The following BCAS4 variants were observed in gnomAD, a reference collection of about 807,000 sequenced individuals.
The protein encoded by BCAS4 is breast carcinoma-amplified sequence 4.
BCAS4 carries 9 observed loss-of-function variants against 15.7 expected under a neutral mutation model. That is an observed-to-expected ratio of 0.57 (90% confidence interval 0.34 to 1.00). The LOEUF is 1.00. Among genes scored for constraint, BCAS4 ranks in the 50% least tolerant of loss-of-function variants. The pLI, the probability that BCAS4 is intolerant of heterozygous loss-of-function variation, is 0.02. For synonymous variants in BCAS4, 101 were observed against 99.5 expected, an observed-to-expected ratio of 1.02 and a Z score of -0.09; for missense variants, 225 against 239.1, an observed-to-expected ratio of 0.94 and a Z score of 0.39.
intron 2 of BCAS4, among the ~76,000 whole-genome samples, chr20:50,829,166 G>A (rs534284074): frequency 1.3e-5 from 2 of 152,316 alleles, no homozygotes; most frequent in African/African-American, 2.4e-5. Context: ...CTGAAAGTGC[G>A]GATTCTCAAA....
intron 3 of BCAS4, among the ~76,000 whole-genome samples, chr20:50,835,394 G>A (rs931178168): frequency 2.0e-5 from 3 of 151,852 alleles, no homozygotes; most frequent in Non-Finnish European, 4.4e-5. Context: ...ATAGGCGCCT[G>A]CCACCACACC....
intron 4 of BCAS4, among the ~76,000 whole-genome samples, chr20:50,844,687 T>A (rs531494336): frequency 1.3e-5 from 2 of 152,256 alleles, no homozygotes; most frequent in East Asian, 3.9e-4. Flanking sequence ...GGGTTTGGAA[T>A]CCAGGCCTGT....
chr20:50,839,689 A>G (rs1177619971), intron 3 of BCAS4, among the ~76,000 whole-genome samples: 1 of 152,190 alleles, frequency 6.6e-6, no homozygotes, highest in African/African-American at 2.4e-5. Flanking sequence ...TATTTTTAAT[A>G]GAGATGGGGT....
intron 2 of BCAS4, among the ~76,000 whole-genome samples, chr20:50,818,794 C>A (rs1340295466): frequency 1.3e-5 from 2 of 152,218 alleles, no homozygotes; most frequent in Admixed American, 1.3e-4. Flanking sequence ...ACCTCCTACT[C>A]TGTCTGGTTG....
At chr20:50,880,147 TGCACAGGAAATCTATGGGGAA>T (rs1980090088), downstream of BCAS4, 1 of 152,310 alleles carries the variant, frequency 6.6e-6, no homozygotes, top group African/African-American at 2.4e-5. Context: ...GGGGTGAGGT[TGCACAGGAAATCTATGGGGAA>T]AAGGTGACAA....
At chr20:50,845,493 C>T (rs2088532557) in intron 4 of BCAS4, among the ~76,000 whole-genome samples, 3 of 152,186 alleles carry the variant, frequency 2.0e-5, no homozygotes, top group Non-Finnish European at 4.4e-5. Context: ...CTTGGATCTC[C>T]ACCAAGCCCT....
intron 1 of BCAS4, among the ~76,000 whole-genome samples, chr20:50,798,901 A>G (rs549407149): frequency 6.6e-6 from 1 of 152,214 alleles, no homozygotes; most frequent in Non-Finnish European, 1.5e-5. Context: ...ATAGGTCAGC[A>G]AACAGAGGCT....
chr20:50,844,699 G>T (rs1420984105), intron 4 of BCAS4, among the ~76,000 whole-genome samples: 1 of 152,122 alleles, frequency 6.6e-6, no homozygotes, highest in Non-Finnish European at 1.5e-5. Flanking sequence ...CAGGCCTGTG[G>T]GGTGTGAAAC....
downstream of BCAS4, chr20:50,880,019 ACCAGCGG>A (rs1195906142): frequency 1.3e-5 from 2 of 152,230 alleles, no homozygotes; most frequent in African/African-American, 2.4e-5. Context: ...TTCTCAGTTG[ACCAGCGG>A]CATCCGAGGG....
intron 4 of BCAS4, among the ~76,000 whole-genome samples, chr20:50,846,271 A>G (rs575272144): frequency 1.3e-5 from 2 of 152,030 alleles, no homozygotes; most frequent in Non-Finnish European, 2.9e-5. Flanking sequence ...CCTCTCTTTT[A>G]TTGTAGCTAA....
At chr20:50,841,964 G>A (rs1255214703) in intron 4 of BCAS4, 64 bp downstream of exon 4, 8 of 1,489,054 alleles carry the variant, frequency 5.4e-6, no homozygotes, top group South Asian at 1.4e-5. Context: ...AGACCCCAGC[G>A]TGGGGAGGAG....
chr20:50,860,251 C>T (rs985929480), intron 4 of BCAS4, among the ~76,000 whole-genome samples: 1 of 152,190 alleles, frequency 6.6e-6, no homozygotes, highest in African/African-American at 2.4e-5. Flanking sequence ...ACCTGCTGAT[C>T]CCATGCAGAG....
At chr20:50,832,542 G>A (rs535723085) in intron 3 of BCAS4, among the ~76,000 whole-genome samples, 1 of 152,292 alleles carries the variant, frequency 6.6e-6, no homozygotes, top group South Asian at 2.1e-4. Flanking sequence ...ACAGGCATGA[G>A]CCACCACACT....
At chr20:50,872,643 G>T (rs6020814) in intron 4 of BCAS4, among the ~76,000 whole-genome samples, 73,720 of 151,692 alleles carry the variant, frequency 0.49, 22,099 homozygotes, top group African/African-American at 0.86. Flanking sequence ...ACAGACAGGC[G>T]GAAACAGCGC....
intron 1 of BCAS4, among the ~76,000 whole-genome samples, chr20:50,798,277 T>C (rs567384974): frequency 7.3e-5 from 11 of 151,658 alleles, no homozygotes; most frequent in African/African-American, 2.7e-4. Context: ...GCCTGGGCAA[T>C]AGAGTGAGAC....
intron 1 of BCAS4, among the ~76,000 whole-genome samples, chr20:50,812,184 G>C (rs1237138131): frequency 1.3e-5 from 2 of 151,970 alleles, no homozygotes; most frequent in Non-Finnish European, 2.9e-5. Context: ...CCAGGCTGGA[G>C]TGCAGTGGCA....
chr20:50,857,504 A>G (rs1978827885), intron 4 of BCAS4, among the ~76,000 whole-genome samples: 1 of 152,170 alleles, frequency 6.6e-6, no homozygotes. Flanking sequence ...ATTAGCCCCC[A>G]TTTTTAGATG....
At chr20:50,848,757 T>C (rs2088577020) in intron 4 of BCAS4, among the ~76,000 whole-genome samples, 2 of 152,232 alleles carry the variant, frequency 1.3e-5, no homozygotes, top group East Asian at 1.9e-4. Flanking sequence ...GTTTGGTTGT[T>C]TGGAATGTTT....
At chr20:50,805,184 C>G (rs770864808) in intron 1 of BCAS4, among the ~76,000 whole-genome samples, 1 of 152,108 alleles carries the variant, frequency 6.6e-6, no homozygotes, top group Non-Finnish European at 1.5e-5. Context: ...CAACCATCAA[C>G]CACAACCAAT....
Sources: gnomAD v4.1 joint callset for allele counts (sites outside exome capture counted in the v4.1 genomes callset) on GRCh38, gnomAD v4.1.1 for gene constraint, MANE v1.5 for transcripts, NCBI Gene and HGNC (gene_info 2026-07-23, HGNC 2026-07-21) for gene names.